FKBP5: variants seen among roughly 807,000 people sequenced by gnomAD.
FKBP5 encodes FKBP prolyl isomerase 5, also known as peptidyl-prolyl cis-trans isomerase FKBP5.
In FKBP5, 23 loss-of-function variants were observed where a neutral mutation model predicts 50.5. That is an observed-to-expected ratio of 0.46 (90% CI 0.33 to 0.65). The LOEUF (loss-of-function observed/expected upper bound fraction) is 0.65, where lower values mean the gene tolerates loss of function less well. Ranked by LOEUF, FKBP5 falls within the 30% of genes least tolerant of loss-of-function variation. FKBP5 has a pLI of 0.02. For synonymous variants in FKBP5, 176 were observed against 190.6 expected (o/e 0.92, Z 0.63); for missense variants, 411 against 553.1 (o/e 0.74, Z 2.58).
intron 7 of FKBP5, 143 bp downstream of exon 7, chr6:35,590,987 C>A: frequency 1.9e-6 from 1 of 513,058 alleles, no homozygotes; most frequent in Non-Finnish European, 3.5e-6. Flanking sequence ...TATTCTTCAG[C>A]AGCAGTGTTG....
At chr6:35,697,251 A>T (rs139139334) in intron 2 of FKBP5, among the ~76,000 whole-genome samples, 2 of 152,348 alleles carry the variant, frequency 1.3e-5, no homozygotes, top group Non-Finnish European at 2.9e-5. Context: ...TGGCCATAAA[A>T]AAAGAATGAA....
intron 2 of FKBP5, among the ~76,000 whole-genome samples, chr6:35,708,576 AT>A (rs34417388): frequency 0.73 from 108,547 of 149,336 alleles, 39,251 homozygotes; most frequent in African/African-American, 0.77. Context: ...TCTATATAGC[AT>A]TTTTTTTTTT....
intron 1 of FKBP5, among the ~76,000 whole-genome samples, chr6:35,674,133 A>G (rs1765467764): frequency 6.6e-6 from 1 of 152,180 alleles, no homozygotes; most frequent in South Asian, 2.1e-4. Context: ...GAAACCCACT[A>G]AACTTTGGAG....
At chr6:35,691,292 GA>G (rs1367832137), upstream of FKBP5, among the ~76,000 whole-genome samples, 1 of 152,176 alleles carries the variant, frequency 6.6e-6, no homozygotes, top group Admixed American at 6.5e-5. Flanking sequence ...AATCTTAGAA[GA>G]TGAAGTAGGT....
intron 5 of FKBP5, among the ~76,000 whole-genome samples, chr6:35,605,514 G>A (rs1389952537): frequency 6.9e-6 from 1 of 144,084 alleles, no homozygotes; most frequent in East Asian, 2.2e-4. Context: ...TCCTGCATCA[G>A]CCTCCCAAGT....
intron 1 of FKBP5, among the ~76,000 whole-genome samples, chr6:35,663,854 C>T (rs1765142629): frequency 6.6e-6 from 1 of 152,220 alleles, no homozygotes; most frequent in African/African-American, 2.4e-5. Context: ...TTGTATACTG[C>T]CTGTCTCTCC....
rs565567291 is a variant in FKBP5, at chr6:35,584,531, G to A, written c.840+2503C>T. On this transcript the variant is annotated intron_variant, in intron 8 of 10. Coordinates refer to ENST00000357266, the MANE Select transcript of FKBP5 (RefSeq NM_004117.4). ...AAGACAAGGCCCGGGAGGGCAGTAT[G>A]GCAGATTGAAACCTGCCCTGAGTTG... is the stretch of plus-strand genomic sequence containing the variant. 7.6e-5 allele frequency: 75 copies of A among 985,468 alleles called. 1 individual carries two copies. The African/African-American group carries it at 1.0e-3, about 13-fold the overall frequency. 61.0% of individuals were successfully genotyped at this position (985,468 alleles called of 1,614,324 possible).
chr6:35,719,732 A>C (rs192089926), intron 2 of FKBP5, among the ~76,000 whole-genome samples: 1 of 152,288 alleles, frequency 6.6e-6, no homozygotes, highest in Non-Finnish European at 1.5e-5. Flanking sequence ...AAACACAGAG[A>C]CCAGGGATGG....
chr6:35,669,047 A>C (rs1188660967), intron 1 of FKBP5, among the ~76,000 whole-genome samples: 2 of 152,238 alleles, frequency 1.3e-5, no homozygotes, highest in African/African-American at 4.8e-5. Flanking sequence ...TTTCAAAAAA[A>C]GTTTGATCAA....
chr6:35,670,674 G>A (rs561371754), intron 1 of FKBP5, among the ~76,000 whole-genome samples: 27 of 151,550 alleles, frequency 1.8e-4, no homozygotes, highest in Admixed American at 1.5e-3. Context: ...GGAGGTTGCA[G>A]TGAGAAAAGA....
At chr6:35,635,451 A>G (rs74432628) in intron 3 of FKBP5, among the ~76,000 whole-genome samples, 1 of 147,858 alleles carries the variant, frequency 6.8e-6, no homozygotes, top group African/African-American at 2.5e-5. Context: ...ACCCTGTCTC[A>G]AAAAAAAAAG....
intron 3 of FKBP5, among the ~76,000 whole-genome samples, chr6:35,633,995 A>AT (rs1356029339): frequency 6.6e-6 from 1 of 152,212 alleles, no homozygotes; most frequent in African/African-American, 2.4e-5. Context: ...CCCAACTTGT[A>AT]TTTAAAAAAA....
chr6:35,650,299 C>CA lies in FKBP5; in HGVS notation c.-19-7457dup, dbSNP rs34190034. Among the ~76,000 whole-genome samples the CA allele has an allele frequency of 8.2e-3, 817 of 99,704 alleles. 9 individuals carry two copies. The highest frequency in any genetic ancestry group is 0.021 in the African/African-American group (547 of 26,108). 65.4% of individuals were successfully genotyped at this position (99,704 alleles called of 152,430 possible). ...CTGGGCAACAGAGCAAGATATTGTC[C>CA]AAAAAAAAAAAAAAAAAGGAAAAAA... On this transcript the variant is annotated intron_variant, in intron 1 of 10. Transcript: ENST00000357266.
chr6:35,614,007 T>C (rs1358555500), intron 5 of FKBP5, among the ~76,000 whole-genome samples: 1 of 152,186 alleles, frequency 6.6e-6, no homozygotes, highest in Non-Finnish European at 1.5e-5. Context: ...GAGATCCTCC[T>C]ACCTCAGTCT....
intron 3 of FKBP5, among the ~76,000 whole-genome samples, chr6:35,628,338 T>G: frequency 6.6e-6 from 1 of 152,130 alleles, no homozygotes; most frequent in East Asian, 1.9e-4. Context: ...GAACACACTA[T>G]AGGATGAAAG....
chr6:35,685,081 T>G (rs904235606), intron 1 of FKBP5, among the ~76,000 whole-genome samples: 3 of 151,748 alleles, frequency 2.0e-5, no homozygotes, highest in African/African-American at 7.3e-5. Context: ...AGACTAGAAG[T>G]AAATACTAAA....
intron 2 of FKBP5, among the ~76,000 whole-genome samples, chr6:35,713,649 T>C (rs1766456802): frequency 6.6e-6 from 1 of 152,234 alleles, no homozygotes; most frequent in South Asian, 2.1e-4. Flanking sequence ...CAAACGCTCC[T>C]GCCCTGGGGA....
At chr6:35,700,198 T>C (rs1291431600) in intron 2 of FKBP5, among the ~76,000 whole-genome samples, 1 of 152,114 alleles carries the variant, frequency 6.6e-6, no homozygotes, top group East Asian at 1.9e-4. Flanking sequence ...TCTCGCTCTG[T>C]CGTCCAGGCT....
At chr6:35,603,746 T>TGG (rs1037841242) in intron 5 of FKBP5, among the ~76,000 whole-genome samples, 1 of 152,100 alleles carries the variant, frequency 6.6e-6, no homozygotes, top group African/African-American at 2.4e-5. Context: ...TGGAGTGTAG[T>TGG]GGCGTGATCT....
Sources: allele counts gnomAD v4.1 joint callset (sites outside exome capture counted in the v4.1 genomes callset), GRCh38; gene constraint gnomAD v4.1.1; transcripts MANE v1.5; gene names NCBI Gene and HGNC (gene_info 2026-07-23, HGNC 2026-07-21).